VWA5B1: variants seen among roughly 807,000 people sequenced by gnomAD.
VWA5B1 encodes von Willebrand factor A domain containing 5B1.
A neutral mutation model predicts 118.2 loss-of-function variants in VWA5B1; 115 were observed. That is an observed-to-expected ratio of 0.97 (90% CI 0.84 to 1.14). The LOEUF is 1.14. Ranked by LOEUF, VWA5B1 falls within the 50% of genes most tolerant of loss-of-function variation. The probability of loss-of-function intolerance (pLI) is 0.00; values close to 1 mark genes in which losing one functional copy is unlikely to be tolerated. For missense variants in VWA5B1, 1,596 were observed against 1,603.8 expected (o/e 1.00, Z 0.08); for synonymous variants, 682 against 658.4 (o/e 1.04, Z -0.55).
intron 14 of VWA5B1, among the ~76,000 whole-genome samples, chr1:20,340,077 T>A (rs2089833897): frequency 6.6e-6 from 1 of 152,042 alleles, no homozygotes; most frequent in South Asian, 2.1e-4. Flanking sequence ...CTTTACTTCT[T>A]TCCTGCGCGC....
At chr1:20,325,747 T>A (rs2089360128) in intron 8 of VWA5B1, among the ~76,000 whole-genome samples, 1 of 152,198 alleles carries the variant, frequency 6.6e-6, no homozygotes. Flanking sequence ...TGGCTTTGCA[T>A]TGGTGCCATC....
At position 20,354,431 on chromosome 1, in the gene VWA5B1, AC is replaced by A; in HGVS notation, c.*170del. 1.2e-6 allele frequency: 1 copy of A among 863,326 alleles called. No homozygotes were observed. Among genetic ancestry groups the A allele is most frequent in the Non-Finnish European group, 1.7e-6 (1 of 580,356 alleles). The allele number at this position is 863,326 out of a possible 1,614,324, so 53.5% of individuals were successfully genotyped here. On this transcript the variant is annotated 3_prime_UTR_variant, in exon 22 of 22. Transcript: ENST00000289815. Reference sequence around the variant, plus strand: ...GCCTGAGTTCAATCCCAACTTTGCTACCATCCAGCCATGCAACTTTAGGCCA... The same window carrying A: ...GCCTGAGTTCAATCCCAACTTTGCTACATCCAGCCATGCAACTTTAGGCCA...
chr1:20,296,651 G>A (rs528808720), intron 1 of VWA5B1, among the ~76,000 whole-genome samples: 18 of 152,166 alleles, frequency 1.2e-4, no homozygotes, highest in Non-Finnish European at 1.8e-4. Context: ...TGTCCTTTGA[G>A]GATTGAAAGT....
At position 20,359,416 on chromosome 1, in the gene VWA5B1, T is replaced by C. The variant is rs1171593462; in HGVS notation, c.*5153T>C. On this transcript the variant is annotated 3_prime_UTR_variant, in exon 22 of 22. Transcript: ENST00000289815. The stretch of plus-strand genomic sequence containing the variant: ...ATGTCCACTAATACTCAGCAAATCC[T>C]ACCATGGGGCTGTGTGTGTGTCTGT... Among the ~76,000 whole-genome samples the C allele has an allele frequency of 6.6e-6, 1 of 152,164 alleles. No individual in the cohort carries two copies. The highest frequency in any genetic ancestry group is 2.4e-5 in the African/African-American group (1 of 41,446).
chr1:20,343,284 C>A lies in VWA5B1; in HGVS notation c.2517C>A (p.Gly839=). ...FELGTPGPER[G]GAQDADLWSE... is the part of the protein sequence containing the mutation. ...TGGGGACCCCTGGACCGGAGCGGGGCGGCGCGCAGGATGCCGACCTATGGA... is the reference window on the plus strand; with the variant it reads ...TGGGGACCCCTGGACCGGAGCGGGGAGGCGCGCAGGATGCCGACCTATGGA... The change falls in exon 16 of 22, where the codon GGC becomes GGA. Residue 839 remains glycine, a synonymous_variant. Coordinates refer to ENST00000289815, the MANE Select transcript of VWA5B1 (RefSeq NM_001039500.3). 6.5e-7 allele frequency: 1 copy of A among 1,547,906 alleles called. No homozygotes were observed. The highest frequency in any genetic ancestry group is 8.7e-7 in the Non-Finnish European group (1 of 1,146,738).
chr1:20,338,050 GCA>G (rs1351813213), intron 14 of VWA5B1: 9 of 698,914 alleles, frequency 1.3e-5, no homozygotes, highest in South Asian at 1.0e-4. Context: ...CTCATTCCCT[GCA>G]CACACACTGC....
intron 12 of VWA5B1, among the ~76,000 whole-genome samples, chr1:20,334,533 G>A (rs1010821169): frequency 2.5e-4 from 38 of 152,334 alleles, no homozygotes; most frequent in South Asian, 4.1e-4. Flanking sequence ...GAGATAGGCC[G>A]GGCACGATGG....
intron 14 of VWA5B1, among the ~76,000 whole-genome samples, chr1:20,339,727 T>C (rs1464111062): frequency 2.7e-5 from 4 of 150,880 alleles, no homozygotes; most frequent in African/African-American, 7.3e-5. Context: ...GTAGGGACAC[T>C]GCAATCTTAT....
intron 2 of VWA5B1, among the ~76,000 whole-genome samples, chr1:20,311,876 T>C (rs1446628715): frequency 1.3e-5 from 2 of 152,162 alleles, no homozygotes; most frequent in Non-Finnish European, 2.9e-5. Flanking sequence ...GTTCCTCTGT[T>C]CAAGGAAACC....
chr1:20,308,291 C>T (rs2088728199), intron 1 of VWA5B1, among the ~76,000 whole-genome samples: 3 of 152,194 alleles, frequency 2.0e-5, no homozygotes, highest in South Asian at 2.1e-4. Flanking sequence ...AGATGTCCCT[C>T]ATCTAAGCCC....
chr1:20,324,425 C>G (rs1170855341), intron 8 of VWA5B1, among the ~76,000 whole-genome samples: 2 of 152,148 alleles, frequency 1.3e-5, no homozygotes, highest in African/African-American at 4.8e-5. Flanking sequence ...ATCCAACACT[C>G]CCTTGTATTT....
chr1:20,291,904 C>T (rs1019521691), intron 1 of VWA5B1, among the ~76,000 whole-genome samples: 6 of 152,188 alleles, frequency 3.9e-5, no homozygotes, highest in Non-Finnish European at 7.3e-5. Flanking sequence ...ACGTCTGCGG[C>T]AGCCCCAACA....
At chr1:20,348,714 A>G (rs1309387245) in intron 18 of VWA5B1, among the ~76,000 whole-genome samples, 1 of 152,178 alleles carries the variant, frequency 6.6e-6, no homozygotes, top group Non-Finnish European at 1.5e-5. Flanking sequence ...CTAATAAACA[A>G]GGGAAAAAGC....
chr1:20,312,822 C>A lies in VWA5B1; in HGVS notation c.140-14C>A. 4.5e-6 allele frequency: 7 copies of A among 1,544,406 alleles called. No individual in the cohort carries two copies. The highest frequency in any genetic ancestry group is 6.1e-6 in the Non-Finnish European group (7 of 1,142,204). ...GCCTGGGGCACCCCGTGATGCTGGG[C>A]CCTGCTCCGACAGGCCTCTTCGTGT... On this transcript the variant is annotated splice_polypyrimidine_tract_variant and intron_variant, in intron 2 of 21. Coordinates refer to ENST00000289815, the MANE Select transcript of VWA5B1 (RefSeq NM_001039500.3).
At chr1:20,291,447 G>A (rs80049779) in intron 1 of VWA5B1, among the ~76,000 whole-genome samples, 6,001 of 133,066 alleles carry the variant, frequency 0.045, 183 homozygotes, top group Non-Finnish European at 0.065. Context: ...TCTCTTTCTC[G>A]TTTGCTTTCT....
chr1:20,352,971 T>A (rs1387471595), intron 21 of VWA5B1, among the ~76,000 whole-genome samples: 1 of 152,140 alleles, frequency 6.6e-6, no homozygotes, highest in African/African-American at 2.4e-5. Flanking sequence ...ACCAGGCAAT[T>A]CTAACCCTTG....
chr1:20,302,227 T>G (rs2088521722), intron 1 of VWA5B1, among the ~76,000 whole-genome samples: 1 of 151,854 alleles, frequency 6.6e-6, no homozygotes, highest in Admixed American at 6.6e-5. Context: ...TTCTGTGCCT[T>G]GACTACTCCC....
intron 1 of VWA5B1, among the ~76,000 whole-genome samples, chr1:20,293,544 A>G (rs1051130611): frequency 2.6e-5 from 4 of 152,102 alleles, no homozygotes; most frequent in African/African-American, 9.7e-5. Flanking sequence ...GTGACCAATG[A>G]CCAGGCTATA....
Position 20,292,472 on chromosome 1 carries a change from G to T in VWA5B1, c.-27+1384G>T, listed in dbSNP as rs12078180. On this transcript the variant is annotated intron_variant, in intron 1 of 21. Coordinates refer to ENST00000289815, the MANE Select transcript of VWA5B1 (RefSeq NM_001039500.3). The stretch of plus-strand genomic sequence containing the variant: ...GCTCTGGAAAGGTATATTAGGGCAT[G>T]TGTGTGTAAGGGGATTACCTGGAGG... Among the ~76,000 whole-genome samples, 5 of 152,332 alleles carry T rather than the reference G, an allele frequency of 3.3e-5. No homozygotes were observed. The South Asian group carries it at 8.3e-4, about 25-fold the overall frequency.
Sources: gnomAD v4.1 joint callset for allele counts (sites outside exome capture counted in the v4.1 genomes callset) on GRCh38, gnomAD v4.1.1 for gene constraint, MANE v1.5 for transcripts, NCBI Gene and HGNC (gene_info 2026-07-23, HGNC 2026-07-21) for gene names.